PDZD8: variants seen among roughly 807,000 people sequenced by gnomAD.
The protein encoded by PDZD8 is PDZ domain-containing protein 8.
In PDZD8, 14 loss-of-function variants were observed where a neutral mutation model predicts 85.8. The ratio of observed to expected loss-of-function variants is 0.16; its 90% CI spans 0.11 to 0.26. The LOEUF (loss-of-function observed/expected upper bound fraction) is 0.26, where lower values mean the gene tolerates loss of function less well. Ranked by LOEUF, PDZD8 falls within the 10% of genes least tolerant of loss-of-function variation. The pLI, the probability that PDZD8 is intolerant of heterozygous loss-of-function variation, is 1.00. For missense variants in PDZD8, 1,197 were observed against 1,424.3 expected, an observed-to-expected ratio of 0.84 and a Z score of 2.57; for synonymous variants, 592 against 568.6, an observed-to-expected ratio of 1.04 and a Z score of -0.59.
At position 117,309,029 on chromosome 10, in the gene PDZD8, T is replaced by C. The variant is rs557768440; in HGVS notation, c.1098+9843A>G. On this transcript the variant is annotated intron_variant, in intron 3 of 4. Coordinates refer to ENST00000334464, the MANE Select transcript of PDZD8 (RefSeq NM_173791.5). ...TGTGTGTTTATGTCCTAGTTCTGCA[T>C]CCGTGTATGGCTCAGAAAATCAGCT... is the stretch of plus-strand genomic sequence containing the variant. Among the ~76,000 whole-genome samples the C allele has an allele frequency of 2.6e-5, 4 of 152,264 alleles. No individual in the cohort carries two copies. The East Asian group carries it at 5.8e-4, about 22-fold the overall frequency.
chr10:117,366,521 G>T (rs1845092812), intron 1 of PDZD8, among the ~76,000 whole-genome samples: 1 of 151,818 alleles, frequency 6.6e-6, no homozygotes, highest in African/African-American at 2.4e-5. Flanking sequence ...TAAAAGGCCA[G>T]ATAGTATTTG....
At chr10:117,331,787 G>A (rs1844424945) in intron 2 of PDZD8, among the ~76,000 whole-genome samples, 1 of 152,156 alleles carries the variant, frequency 6.6e-6, no homozygotes, top group South Asian at 2.1e-4. Flanking sequence ...TTTGTAGTAT[G>A]AAACAGTAGT....
chr10:117,315,311 G>C (rs1844104233), intron 3 of PDZD8, among the ~76,000 whole-genome samples: 1 of 152,052 alleles, frequency 6.6e-6, no homozygotes, highest in African/African-American at 2.4e-5. Context: ...TTTGGTGTCT[G>C]AGGCCAGGCG....
At chr10:117,299,176 T>A (rs151184037) in intron 3 of PDZD8, among the ~76,000 whole-genome samples, 2 of 152,268 alleles carry the variant, frequency 1.3e-5, no homozygotes, top group East Asian at 3.9e-4. Context: ...TCTTTATAAA[T>A]GGTGAAAGTT....
chr10:117,284,706 C>T lies in PDZD8; in HGVS notation c.2027G>A (p.Arg676His), dbSNP rs777313981. Residue 676 changes from arginine (R) to histidine (H), a missense_variant, in exon 5 of 5, where the codon CGT becomes CAT. Physicochemically the swap from Arg to His is conservative, Grantham distance 29. This residue lies in a region of PDZD8 where 418 missense variants were observed against 571.1 expected (regional missense o/e 0.73). Coordinates refer to ENST00000334464, the MANE Select transcript of PDZD8 (RefSeq NM_173791.5). ...AATTTCTGATGATTCCCATGTTTGA[C>T]GGTCGTCCGAACTGTCCTTAGTAGG... Reference protein sequence around the residue: ...SCPTKDSSDDRQTWESSEILY... With the variant: ...SCPTKDSSDDHQTWESSEILY... 20 of 1,614,040 alleles carry T rather than the reference C, an allele frequency of 1.2e-5. No individual in the cohort carries two copies. Among genetic ancestry groups the T allele is most frequent in the East Asian group, 4.5e-5 (2 of 44,900 alleles).
At chr10:117,360,089 C>T (rs923080548) in intron 1 of PDZD8, among the ~76,000 whole-genome samples, 1 of 152,080 alleles carries the variant, frequency 6.6e-6, no homozygotes, top group Non-Finnish European at 1.5e-5. Context: ...GATCAAGGTC[C>T]AAAATGCCTC....
At chr10:117,315,877 C>T (rs935483833) in intron 3 of PDZD8, among the ~76,000 whole-genome samples, 2 of 152,028 alleles carry the variant, frequency 1.3e-5, no homozygotes, top group African/African-American at 4.8e-5. Context: ...TAGTTTATTA[C>T]TAAAATATCA....
chr10:117,375,008 G>A lies in PDZD8; in HGVS notation c.220C>T (p.Pro74Ser), dbSNP rs1239238119. Reference protein sequence around the residue: ...GRDEEPSGAAPEGGATPTAAP... With the variant: ...GRDEEPSGAASEGGATPTAAP... ...GCGGTGGGGGTCGCGCCGCCCTCAG[G>A]GGCCGCTCCGGAGGGCTCCTCATCC... is the stretch of plus-strand genomic sequence containing the variant. The change falls in exon 1 of 5, where the codon CCT (proline) becomes TCT (serine). Residue 74 changes from proline (P) to serine (S), a missense_variant. Pro to Ser is a moderately conservative substitution (Grantham distance 74). Around this residue, in one of 4 missense-constraint regions of PDZD8, gnomAD observed 172 missense variants for 137.8 expected, o/e 1.25. Coordinates refer to ENST00000334464, the MANE Select transcript of PDZD8 (RefSeq NM_173791.5). The A allele has an allele frequency of 3.8e-6, 6 of 1,587,254 alleles. No homozygotes were observed. The Admixed American group carries it at 1.1e-4, about 28-fold the overall frequency.
At chr10:117,331,963 G>A (rs1055397770) in intron 2 of PDZD8, among the ~76,000 whole-genome samples, 1 of 152,060 alleles carries the variant, frequency 6.6e-6, no homozygotes, top group African/African-American at 2.4e-5. Context: ...CTAATTATAC[G>A]GAAGATTCTT....
chr10:117,321,295 T>C (rs1039233729), intron 2 of PDZD8, among the ~76,000 whole-genome samples: 4 of 152,134 alleles, frequency 2.6e-5, no homozygotes, highest in Non-Finnish European at 2.9e-5. Context: ...ATCCATATAA[T>C]GAAATATTAT....
rs1265705268 is a variant in PDZD8 at position 117,277,520 on chromosome 10, T to C, written c.*5748A>G. On this transcript the variant is annotated 3_prime_UTR_variant, in exon 5 of 5. Coordinates refer to ENST00000334464, the MANE Select transcript of PDZD8 (RefSeq NM_173791.5). Reference sequence around the variant, plus strand: ...TTTAATTTTATTAAATATCATACAATATATTTTGATGAAATAGGTATTGTG... The same window carrying C: ...TTTAATTTTATTAAATATCATACAACATATTTTGATGAAATAGGTATTGTG... The C allele has an allele frequency of 1.4e-5, 3 of 219,808 alleles. No individual in the cohort carries two copies. Among genetic ancestry groups the C allele is most frequent in the Non-Finnish European group, 2.7e-5 (3 of 112,710 alleles). The allele number at this position is 219,808 out of a possible 1,614,324, so 13.6% of individuals were successfully genotyped here. A position where few individuals can be genotyped will look rare whatever the true frequency, so the allele number is the denominator to read the frequency against.
At position 117,283,441 on chromosome 10, in the gene PDZD8, T is replaced by A; in HGVS notation, c.3292A>T (p.Ile1098Phe). The change falls in exon 5 of 5, where the codon ATT becomes TTT. Residue 1098 changes from isoleucine to phenylalanine, a missense_variant. Transcript: ENST00000334464. The stretch of plus-strand genomic sequence containing the variant: ...CTTTCTAAAGTTTCTATATCTTCAA[T>A]GCCTGCTCTGTAGTGAATCATAAGA... The part of the protein sequence containing the change: ...TLLMIHYRAG[I>F]EDIETLESLS... 4 of 1,614,120 alleles carry A rather than the reference T, an allele frequency of 2.5e-6. No homozygotes were observed. Among genetic ancestry groups the A allele is most frequent in the Non-Finnish European group, 3.4e-6 (4 of 1,179,958 alleles).
chr10:117,375,250 C>G lies in PDZD8; in HGVS notation c.-23G>C. 4 of 1,441,928 alleles carry G rather than the reference C, an allele frequency of 2.8e-6. No individual in the cohort carries two copies. The highest frequency in any genetic ancestry group is 3.6e-6 in the Non-Finnish European group (4 of 1,102,372). 89.3% of individuals were successfully genotyped at this position (1,441,928 alleles called of 1,614,324 possible). The stretch of plus-strand genomic sequence containing the variant: ...CATCCCGCCACCGCCTCCGCCCGGG[C>G]CCCTACTCCCGCGCCCACAGCGCCG... On this transcript the variant is annotated 5_prime_UTR_variant, in exon 1 of 5. Coordinates refer to ENST00000334464, the MANE Select transcript of PDZD8 (RefSeq NM_173791.5).
intron 3 of PDZD8, among the ~76,000 whole-genome samples, chr10:117,298,778 T>C (rs1222805467): frequency 3.3e-5 from 5 of 152,202 alleles, no homozygotes; most frequent in African/African-American, 9.6e-5. Flanking sequence ...GTTTACGATA[T>C]TGTGACTACA....
intron 1 of PDZD8, among the ~76,000 whole-genome samples, chr10:117,367,744 C>T (rs968255644): frequency 6.6e-6 from 1 of 151,976 alleles, no homozygotes; most frequent in Admixed American, 6.6e-5. Flanking sequence ...GACCAGCCTG[C>T]CCAACATGGC....
rs537690511 is a variant in PDZD8 at position 117,342,804 on chromosome 10, C to T, written c.873-1702G>A. Reference sequence around the variant, plus strand: ...CACACCCAGCCCACAATTAATCTTTCTAATCATATATTCTCTTAATATAAA... The same window carrying T: ...CACACCCAGCCCACAATTAATCTTTTTAATCATATATTCTCTTAATATAAA... On this transcript the variant is annotated intron_variant, in intron 1 of 4. Coordinates refer to ENST00000334464, the MANE Select transcript of PDZD8 (RefSeq NM_173791.5). Among the ~76,000 whole-genome samples the T allele has an allele frequency of 6.2e-4, 94 of 152,270 alleles. No individual in the cohort carries two copies. In the Middle Eastern group the frequency reaches 0.014, roughly 22 times the overall value.
chr10:117,291,269 C>T (rs1332484171), intron 3 of PDZD8, among the ~76,000 whole-genome samples: 8 of 151,950 alleles, frequency 5.3e-5, no homozygotes, highest in Admixed American at 2.6e-4. Flanking sequence ...CAGTGGTTCA[C>T]GCCTGTAATC....
rs917293705 is a variant in PDZD8, at chr10:117,279,677, A to G, written c.*3591T>C. 1 of 152,170 alleles carries G rather than the reference A, an allele frequency of 6.6e-6. No individual in the cohort carries two copies. Among genetic ancestry groups the G allele is most frequent in the African/African-American group, 2.4e-5 (1 of 41,444 alleles). The allele number at this position is 152,170 out of a possible 1,614,324, so 9.4% of individuals were successfully genotyped here. A position where few individuals can be genotyped will look rare whatever the true frequency, so the allele number is the denominator to read the frequency against. ...GGAAGTTATCCTTCCATCTATAAAC[A>G]TTGTTGTCCTGATGGTTGTCAACAA... is the stretch of plus-strand genomic sequence containing the variant. On this transcript the variant is annotated 3_prime_UTR_variant, in exon 5 of 5. Coordinates refer to ENST00000334464, the MANE Select transcript of PDZD8 (RefSeq NM_173791.5).
chr10:117,343,136 A>G (rs1391446865), intron 1 of PDZD8, among the ~76,000 whole-genome samples: 3 of 152,220 alleles, frequency 2.0e-5, no homozygotes, highest in African/African-American at 7.2e-5. Flanking sequence ...GCTGATTTAC[A>G]AAGAGTTAAC....
Sources: gnomAD v4.1 joint callset for allele counts (sites outside exome capture counted in the v4.1 genomes callset) on GRCh38, gnomAD v4.1.1 for gene constraint, gnomAD v4.1.1 regional missense constraint, MANE v1.5 for transcripts, NCBI Gene and HGNC (gene_info 2026-07-23, HGNC 2026-07-21) for gene names.